Variants in GABRB2 observed in about 807,000 individuals in gnomAD.
GABRB2 encodes gamma-aminobutyric acid type A receptor subunit beta2, also known as gamma-aminobutyric acid receptor subunit beta-2.
Under a neutral mutation model 54.7 loss-of-function variants are expected in GABRB2, and 16 were observed. The ratio of observed to expected loss-of-function variants is 0.29; its 90% CI spans 0.20 to 0.44. GABRB2 has a LOEUF of 0.44. GABRB2 is among the 20% of genes least tolerant of loss of function. The pLI is 1.00. For synonymous variants in GABRB2, 244 were observed against 233.8 expected, an observed-to-expected ratio of 1.04 and a Z score of -0.40; for missense variants, 355 against 644.0, an observed-to-expected ratio of 0.55 and a Z score of 4.86.
intron 3 of GABRB2, among the ~76,000 whole-genome samples, chr5:161,539,034 A>G (rs1760731889): frequency 6.6e-6 from 1 of 152,194 alleles, no homozygotes. Flanking sequence ...TCCATTTGCC[A>G]TTCCATAAAA....
chr5:161,534,560 G>A (rs750865513), intron 3 of GABRB2, among the ~76,000 whole-genome samples: 35 of 152,104 alleles, frequency 2.3e-4, no homozygotes, highest in Non-Finnish European at 4.4e-4. Flanking sequence ...CACTTGCAGG[G>A]TAAATGCACA....
At chr5:161,304,840 GA>G (rs1757636629) in intron 9 of GABRB2, among the ~76,000 whole-genome samples, 1 of 151,814 alleles carries the variant, frequency 6.6e-6, no homozygotes, top group Non-Finnish European at 1.5e-5. Flanking sequence ...TAGAAGGCTA[GA>G]ATTATTTCTG....
intron 7 of GABRB2, among the ~76,000 whole-genome samples, chr5:161,331,837 T>A (rs754392578): frequency 6.6e-6 from 1 of 151,680 alleles, no homozygotes; most frequent in African/African-American, 2.4e-5. Context: ...GGTGACAGTG[T>A]GGATGATGGG....
At chr5:161,432,288 T>G (rs573816210) in intron 4 of GABRB2, among the ~76,000 whole-genome samples, 1 of 152,336 alleles carries the variant, frequency 6.6e-6, no homozygotes, top group East Asian at 1.9e-4. Context: ...GGCAGAATCC[T>G]AACAAGGTTT....
intron 4 of GABRB2, among the ~76,000 whole-genome samples, chr5:161,448,099 T>A (rs1757687005): frequency 6.6e-6 from 1 of 152,170 alleles, no homozygotes; most frequent in Admixed American, 6.6e-5. Flanking sequence ...GTTATTTGGG[T>A]AATTTCTTCT....
At chr5:161,412,612 G>C (rs1278067302) in intron 4 of GABRB2, among the ~76,000 whole-genome samples, 1 of 152,122 alleles carries the variant, frequency 6.6e-6, no homozygotes, top group Non-Finnish European at 1.5e-5. Context: ...CAGAGTCCTG[G>C]CTATAGCCAG....
intron 3 of GABRB2, among the ~76,000 whole-genome samples, chr5:161,484,882 T>C (rs1018858177): frequency 1.1e-4 from 17 of 151,942 alleles, no homozygotes; most frequent in Admixed American, 2.6e-4. Context: ...TTACAATTCC[T>C]TCAGTAGTGC....
At chr5:161,515,896 G>A (rs1434880524) in intron 3 of GABRB2, among the ~76,000 whole-genome samples, 1 of 152,172 alleles carries the variant, frequency 6.6e-6, no homozygotes, top group African/African-American at 2.4e-5. Flanking sequence ...TGCAGTATTA[G>A]AAACGTATGT....
chr5:161,333,515 T>G (rs767188817), intron 7 of GABRB2, among the ~76,000 whole-genome samples: 1 of 152,232 alleles, frequency 6.6e-6, no homozygotes, highest in Non-Finnish European at 1.5e-5. Context: ...GTAGCCGAAG[T>G]GATCCCTTTA....
intron 9 of GABRB2, among the ~76,000 whole-genome samples, 165 bp from the exon 10 acceptor site, chr5:161,294,593 C>G (rs1757330591): frequency 6.6e-6 from 1 of 152,138 alleles, no homozygotes; most frequent in Admixed American, 6.5e-5. Flanking sequence ...ACCACTAAAG[C>G]TATTTGAGGT....
intron 9 of GABRB2, among the ~76,000 whole-genome samples, chr5:161,319,219 G>A (rs975271854): frequency 2.0e-5 from 3 of 150,366 alleles, no homozygotes; most frequent in Non-Finnish European, 4.4e-5. Flanking sequence ...AGAGGCAAGA[G>A]TCAGAGTTTT....
At position 161,292,232 on chromosome 5, in the gene GABRB2, A is replaced by G. The variant is rs1381048560; in HGVS notation, c.*1849T>C. 1 of 152,200 alleles carries G rather than the reference A, an allele frequency of 6.6e-6. No individual in the cohort carries two copies. Among genetic ancestry groups the G allele is most frequent in the Non-Finnish European group, 1.5e-5 (1 of 68,040 alleles). The allele number at this position is 152,200 out of a possible 1,614,324, so 9.4% of individuals were successfully genotyped here. A position where few individuals can be genotyped will look rare whatever the true frequency, so the allele number is the denominator to read the frequency against. ...TCCAAGCTGCTAAATCATGAAGGAA[A>G]CAAGGAATCAAGAAAACATACATTA... On this transcript the variant is annotated 3_prime_UTR_variant, in exon 10 of 10. Transcript: ENST00000393959.
In GABRB2 at chr5:161,513,764, G is replaced by A. The variant is rs377527069; in HGVS notation, c.237+31463C>T. ...GTATATCTGTAATAAACCTGCACGTGCACCTCCTGAATCTCAAATAAAAGT... is the reference window on the plus strand; with the variant it reads ...GTATATCTGTAATAAACCTGCACGTACACCTCCTGAATCTCAAATAAAAGT... On this transcript the variant is annotated intron_variant, in intron 3 of 9. Coordinates refer to ENST00000393959, the MANE Select transcript of GABRB2 (RefSeq NM_001371727.1). 1.6e-3 allele frequency among the ~76,000 whole-genome samples: 244 copies of A among 151,970 alleles called. 4 individuals carry two copies. Among genetic ancestry groups the A allele is most frequent in the African/African-American group, 5.6e-3 (234 of 41,476 alleles).
intron 3 of GABRB2, among the ~76,000 whole-genome samples, chr5:161,504,578 A>G (rs1759545744): frequency 6.6e-6 from 1 of 152,140 alleles, no homozygotes; most frequent in Non-Finnish European, 1.5e-5. Context: ...TTATAGCTTT[A>G]TATGCCTATA....
At chr5:161,441,846 G>A (rs1580989483) in intron 4 of GABRB2, among the ~76,000 whole-genome samples, 1 of 152,138 alleles carries the variant, frequency 6.6e-6, no homozygotes, top group East Asian at 1.9e-4. Flanking sequence ...ATTAAGCCAT[G>A]CAGAGAAAGA....
chr5:161,332,115 G>A (rs1262399768), intron 7 of GABRB2, among the ~76,000 whole-genome samples: 3 of 139,122 alleles, frequency 2.2e-5, no homozygotes, highest in Non-Finnish European at 4.5e-5. Context: ...GCAGTGAGCC[G>A]AGATTGCGCC....
chr5:161,438,493 A>G (rs1294539223), intron 4 of GABRB2, among the ~76,000 whole-genome samples: 1 of 152,170 alleles, frequency 6.6e-6, no homozygotes, highest in African/African-American at 2.4e-5. Context: ...CACATGCCAA[A>G]GAACATCTAT....
chr5:161,298,884 A>C (rs1460551271), intron 9 of GABRB2, among the ~76,000 whole-genome samples: 1 of 152,218 alleles, frequency 6.6e-6, no homozygotes, highest in Non-Finnish European at 1.5e-5. Flanking sequence ...AAAATAAGAC[A>C]CAGAGAGGTT....
At chr5:161,400,613 T>C (rs1389141666) in intron 5 of GABRB2, among the ~76,000 whole-genome samples, 1 of 152,140 alleles carries the variant, frequency 6.6e-6, no homozygotes, top group Non-Finnish European at 1.5e-5. Flanking sequence ...GGTTTTTGAG[T>C]AGAGCCTTAT....
Sources: gnomAD v4.1 joint callset for allele counts (sites outside exome capture counted in the v4.1 genomes callset) on GRCh38, gnomAD v4.1.1 for gene constraint, MANE v1.5 for transcripts, NCBI Gene and HGNC (gene_info 2026-07-23, HGNC 2026-07-21) for gene names.